INSYN2B: variants seen among roughly 807,000 people sequenced by gnomAD.
INSYN2B encodes the protein protein INSYN2B.
INSYN2B carries 16 observed loss-of-function variants against 41.2 expected under a neutral mutation model. The ratio of observed to expected loss-of-function variants is 0.39; its 90% confidence interval spans 0.26 to 0.59. INSYN2B has a LOEUF of 0.59. Among genes scored for constraint, INSYN2B ranks in the 20% least tolerant of loss-of-function variants. The pLI, the probability that INSYN2B is intolerant of heterozygous loss-of-function variation, is 0.57. For synonymous variants in INSYN2B, 245 were observed against 244.4 expected (o/e 1.00, Z -0.02); for missense variants, 608 against 646.4 (o/e 0.94, Z 0.64).
intron 1 of INSYN2B, among the ~76,000 whole-genome samples, chr5:169,904,327 G>A (rs1030146143): frequency 1.3e-5 from 2 of 152,096 alleles, no homozygotes; most frequent in South Asian, 2.1e-4. Flanking sequence ...TTCTTGCAAC[G>A]CTGGGCTTGC....
At chr5:169,908,713 CTTTTTTTTTTT>C (rs34261104) in intron 1 of INSYN2B, among the ~76,000 whole-genome samples, 26 of 105,076 alleles carry the variant, frequency 2.5e-4, no homozygotes, top group African/African-American at 8.0e-4. Flanking sequence ...TTTCTTTTTT[CTTTTTTTTTTT>C]TTTTTTTTGA....
At chr5:169,947,882 A>G (rs1460535802) in intron 1 of INSYN2B, among the ~76,000 whole-genome samples, 1 of 152,202 alleles carries the variant, frequency 6.6e-6, no homozygotes, top group African/African-American at 2.4e-5. Flanking sequence ...GAGCATGAGC[A>G]TACAGGCATT....
intron 1 of INSYN2B, among the ~76,000 whole-genome samples, chr5:169,933,558 A>T (rs2113688104): frequency 6.6e-6 from 1 of 152,274 alleles, no homozygotes; most frequent in East Asian, 1.9e-4. Context: ...GAGGCTGCTT[A>T]TTTGCCCACT....
intron 1 of INSYN2B, among the ~76,000 whole-genome samples, chr5:169,973,673 G>A (rs1274623763): frequency 6.6e-6 from 1 of 152,142 alleles, no homozygotes; most frequent in Non-Finnish European, 1.5e-5. Flanking sequence ...CCCAGTATGC[G>A]GTATTGGTAC....
At chr5:169,901,165 G>A (rs1441260159) in intron 1 of INSYN2B, among the ~76,000 whole-genome samples, 1 of 152,168 alleles carries the variant, frequency 6.6e-6, no homozygotes, top group Non-Finnish European at 1.5e-5. Flanking sequence ...GATGGTGGGT[G>A]TGATTGAGGT....
rs982369788 is a variant in INSYN2B at position 169,861,984 on chromosome 5, T to C, written c.*2289A>G. Among the ~76,000 whole-genome samples the C allele has an allele frequency of 1.3e-5, 2 of 152,014 alleles. No individual in the cohort carries two copies. Among genetic ancestry groups the C allele is most frequent in the Non-Finnish European group, 2.9e-5 (2 of 68,004 alleles). ...TGCAGAAAATGTCAACATTTTCTAG[T>C]CCCAGTTTTATTTAATTCAGTTAAG... On this transcript the variant is annotated 3_prime_UTR_variant, in exon 4 of 4. Transcript: ENST00000377365.
chr5:169,929,297 T>C (rs1775626865), intron 1 of INSYN2B, among the ~76,000 whole-genome samples: 2 of 152,294 alleles, frequency 1.3e-5, no homozygotes, highest in African/African-American at 4.8e-5. Flanking sequence ...CCTTTCCCCA[T>C]TGACACCAAC....
chr5:169,932,483 G>T (rs1275995618), intron 1 of INSYN2B, among the ~76,000 whole-genome samples: 12 of 152,188 alleles, frequency 7.9e-5, no homozygotes, highest in Non-Finnish European at 1.3e-4. Context: ...CTCAGTTGAT[G>T]GAACATGCTT....
At chr5:169,913,875 G>C (rs1159095618) in intron 1 of INSYN2B, among the ~76,000 whole-genome samples, 1 of 152,166 alleles carries the variant, frequency 6.6e-6, no homozygotes, top group East Asian at 1.9e-4. Context: ...GAAGCTTAGA[G>C]GACATTATCT....
chr5:169,923,445 T>A (rs1394586676), intron 1 of INSYN2B, among the ~76,000 whole-genome samples: 1 of 152,120 alleles, frequency 6.6e-6, no homozygotes, highest in African/African-American at 2.4e-5. Context: ...TAGCAACCTA[T>A]TTGTTAGCAG....
At chr5:169,872,803 C>T (rs758528462) in intron 3 of INSYN2B, among the ~76,000 whole-genome samples, 1 of 152,158 alleles carries the variant, frequency 6.6e-6, no homozygotes, top group African/African-American at 2.4e-5. Flanking sequence ...GCCCTGGCTC[C>T]CTGGGATCTT....
rs913458540 is a variant in INSYN2B, at chr5:169,966,076, T to C, written c.-919+14201A>G. ...TTTCCTTTGCAATATTCTGCCAATC[T>C]CGAAATGGCAATGTGCAACAGAACA... On this transcript the variant is annotated intron_variant, in intron 1 of 3. Transcript: ENST00000377365. Among the ~76,000 whole-genome samples the C allele has an allele frequency of 5.9e-5, 9 of 152,326 alleles. 1 individual carries two copies. The highest frequency in any genetic ancestry group is 1.9e-4 in the African/African-American group (8 of 41,566).
At chr5:169,871,752 C>CA (rs1771990701) in intron 3 of INSYN2B, among the ~76,000 whole-genome samples, 1 of 152,210 alleles carries the variant, frequency 6.6e-6, no homozygotes, top group African/African-American at 2.4e-5. Context: ...GATGACCTCA[C>CA]AGTCCCCTGT....
intron 1 of INSYN2B, among the ~76,000 whole-genome samples, chr5:169,975,113 G>A (rs1449913660): frequency 6.6e-6 from 1 of 152,194 alleles, no homozygotes; most frequent in African/African-American, 2.4e-5. Flanking sequence ...CACACCTGCT[G>A]AAGGAGGGCC....
intron 1 of INSYN2B, among the ~76,000 whole-genome samples, chr5:169,967,121 C>T (rs1190444710): frequency 6.6e-6 from 1 of 152,230 alleles, no homozygotes; most frequent in Non-Finnish European, 1.5e-5. Context: ...CAGTCTCTGC[C>T]TTCCTGGTCC....
intron 1 of INSYN2B, among the ~76,000 whole-genome samples, chr5:169,972,682 A>G (rs998897537): frequency 1.3e-5 from 2 of 151,748 alleles, no homozygotes; most frequent in African/African-American, 4.8e-5. Context: ...TGTGTGGACC[A>G]TCATCATACC....
In INSYN2B at chr5:169,938,360, A is replaced by T. The variant is rs78911776; in HGVS notation, c.-919+41917T>A. ...TAGGCAATTTTCTCATTGTGTGAAC[A>T]TCAGAGTGTACTCACACGAAGCTAG... is the stretch of plus-strand genomic sequence containing the variant. On this transcript the variant is annotated intron_variant, in intron 1 of 3. Transcript: ENST00000377365. 0.013 allele frequency among the ~76,000 whole-genome samples: 1,904 copies of T among 152,260 alleles called. 75 individuals are homozygous for T. In the East Asian group the frequency reaches 0.13, roughly 11 times the overall value.
intron 3 of INSYN2B, among the ~76,000 whole-genome samples, chr5:169,878,869 A>G (rs1470625773): frequency 6.6e-6 from 1 of 152,210 alleles, no homozygotes; most frequent in Non-Finnish European, 1.5e-5. Context: ...CAAAGGATCC[A>G]TTCACCTTTA....
rs56110833 is a variant in INSYN2B, at chr5:169,867,407, C to CTCTGTCTG, written c.1422-2956_1422-2949dup. On this transcript the variant is annotated intron_variant, in intron 3 of 3. Transcript: ENST00000377365. Reference sequence around the variant, plus strand: ...AGCCAGGAACCATGGGTGAAAACCTCTCTGTCTGTCTGTCTGTCTGTCTGT... The same window carrying CTCTGTCTG: ...AGCCAGGAACCATGGGTGAAAACCTCTCTGTCTGTCTGTCTGTCTGTCTGTCTGTCTGT... Among the ~76,000 whole-genome samples, 53 of 149,194 alleles carry CTCTGTCTG rather than the reference C, an allele frequency of 3.6e-4. 1 individual carries two copies. The highest frequency in any genetic ancestry group is 1.3e-3 in the African/African-American group (52 of 40,746).
Sources: allele counts gnomAD v4.1 joint callset (sites outside exome capture counted in the v4.1 genomes callset), GRCh38; gene constraint gnomAD v4.1.1; transcripts MANE v1.5; gene names NCBI Gene and HGNC (gene_info 2026-07-23, HGNC 2026-07-21).